CDKAL1: variants seen among roughly 807,000 people sequenced by gnomAD.
CDKAL1 encodes the protein CDKAL1 threonylcarbamoyladenosine tRNA methylthiotransferase, also known as threonylcarbamoyladenosine tRNA methylthiotransferase.
Under a neutral mutation model 68.2 loss-of-function variants are expected in CDKAL1, and 32 were observed. That is an observed-to-expected ratio of 0.47 (90% CI 0.35 to 0.63). The LOEUF (loss-of-function observed/expected upper bound fraction) is 0.63. Ranked by LOEUF, CDKAL1 falls within the 30% of genes least tolerant of loss-of-function variation. The pLI is 0.00. For missense variants in CDKAL1, 606 were observed against 696.7 expected (o/e 0.87, Z 1.47); for synonymous variants, 234 against 244.3 (o/e 0.96, Z 0.39).
intron 5 of CDKAL1, among the ~76,000 whole-genome samples, chr6:20,661,584 T>A (rs1319167106): frequency 1.2e-5 from 1 of 84,828 alleles, no homozygotes; most frequent in Admixed American, 1.4e-4. Context: ...AGTGTTTAAT[T>A]CCTGGTTTAC....
chr6:21,062,919 T>A (rs1447119699), intron 11 of CDKAL1, among the ~76,000 whole-genome samples: 1 of 152,208 alleles, frequency 6.6e-6, no homozygotes, highest in East Asian at 1.9e-4. Flanking sequence ...TGTTTGTTTG[T>A]TTGTTTGTTT....
chr6:21,205,571 C>T (rs1186475319), intron 15 of CDKAL1, among the ~76,000 whole-genome samples: 1 of 152,030 alleles, frequency 6.6e-6, no homozygotes, highest in African/African-American at 2.4e-5. Flanking sequence ...CGCCCTGTCG[C>T]CCAGGCTGGA....
At position 20,686,217 on chromosome 6, in the gene CDKAL1, G is replaced by A. The variant is rs36005020; in HGVS notation, c.371+36840G>A. Among the ~76,000 whole-genome samples, 19 of 151,910 alleles carry A rather than the reference G, an allele frequency of 1.3e-4. No individual in the cohort carries two copies. In the East Asian group the frequency reaches 3.5e-3, roughly 28 times the overall value. ...TCTTTTTCTTGTCTTGTATTAACTAGGACAGGGTCCCCAACCCCTGGGCCA... is the reference window on the plus strand; with the variant it reads ...TCTTTTTCTTGTCTTGTATTAACTAAGACAGGGTCCCCAACCCCTGGGCCA... On this transcript the variant is annotated intron_variant, in intron 5 of 15. Transcript: ENST00000274695.
At chr6:20,559,595 T>G (rs1208894565) in intron 4 of CDKAL1, 4 of 152,192 alleles carry the variant, frequency 2.6e-5, no homozygotes, top group Non-Finnish European at 5.9e-5. Flanking sequence ...TTGCACTTCT[T>G]GTAGCATGTG....
At chr6:20,964,739 GAC>G (rs1765220209) in intron 10 of CDKAL1, among the ~76,000 whole-genome samples, 1 of 152,114 alleles carries the variant, frequency 6.6e-6, no homozygotes, top group Admixed American at 6.5e-5. Flanking sequence ...AAACCCCCAT[GAC>G]ACAAGTTTAC....
intron 11 of CDKAL1, among the ~76,000 whole-genome samples, chr6:21,012,761 G>A (rs960060878): frequency 1.3e-5 from 2 of 152,214 alleles, no homozygotes; most frequent in East Asian, 1.9e-4. Context: ...CCTGTCTTCT[G>A]TGCCCATATT....
intron 8 of CDKAL1, among the ~76,000 whole-genome samples, chr6:20,812,651 C>G (rs2150425148): frequency 6.6e-6 from 1 of 152,224 alleles, no homozygotes; most frequent in South Asian, 2.1e-4. Context: ...CCCTATTTTT[C>G]TGGTTTCTTT....
intron 9 of CDKAL1, among the ~76,000 whole-genome samples, chr6:20,931,672 G>A (rs1763468440): frequency 6.6e-6 from 1 of 152,178 alleles, no homozygotes; most frequent in East Asian, 1.9e-4. Context: ...CCTAAAAGGT[G>A]AAACATTTGA....
intron 5 of CDKAL1, among the ~76,000 whole-genome samples, chr6:20,689,556 G>C (rs1051149689): frequency 2.6e-5 from 4 of 152,126 alleles, no homozygotes; most frequent in African/African-American, 9.7e-5. Flanking sequence ...CAACTTCCAA[G>C]CTTCTCAGAT....
intron 11 of CDKAL1, among the ~76,000 whole-genome samples, chr6:21,008,718 C>G (rs773673679): frequency 4.6e-5 from 7 of 152,122 alleles, no homozygotes; most frequent in African/African-American, 7.2e-5. Context: ...TCCTTGACAC[C>G]CCCACAACTC....
rs770134062 is a variant in CDKAL1, at chr6:20,781,210, G to T, written c.583G>T (p.Asp195Tyr). 9.9e-6 allele frequency: 16 copies of T among 1,613,734 alleles called. No individual in the cohort carries two copies. Among genetic ancestry groups the T allele is most frequent in the Non-Finnish European group, 2.5e-6 (3 of 1,179,858 alleles). The part of the protein sequence containing the change: ...NGRRLGGARL[D>Y]LPKIRKNPLI... The stretch of plus-strand genomic sequence containing the variant: ...AAGGCGGCTTGGGGGAGCACGATTG[G>T]ATTTGCCGAAGATTAGGAAGAATCC... The change falls in exon 8 of 16, where the codon GAT becomes TAT. Residue 195 changes from aspartate (D) to tyrosine (Y), a missense_variant. Coordinates refer to ENST00000274695, the MANE Select transcript of CDKAL1 (RefSeq NM_017774.3).
At chr6:20,755,245 G>A in intron 6 of CDKAL1, among the ~76,000 whole-genome samples, 1 of 152,034 alleles carries the variant, frequency 6.6e-6, no homozygotes, top group Non-Finnish European at 1.5e-5. Flanking sequence ...TGAGTGTCTG[G>A]ATATAATGTC....
chr6:20,710,878 A>G (rs971526725), intron 5 of CDKAL1, among the ~76,000 whole-genome samples: 1 of 152,210 alleles, frequency 6.6e-6, no homozygotes, highest in Non-Finnish European at 1.5e-5. Flanking sequence ...CTGAATCAGG[A>G]ATTGGAATCC....
chr6:21,180,452 A>G (rs951833384), intron 13 of CDKAL1, among the ~76,000 whole-genome samples: 2 of 151,276 alleles, frequency 1.3e-5, no homozygotes, highest in African/African-American at 2.4e-5. Context: ...TAAGTCAGCT[A>G]TTTACAGCTG....
intron 11 of CDKAL1, among the ~76,000 whole-genome samples, chr6:21,030,123 A>G (rs554807104): frequency 2.0e-5 from 3 of 152,364 alleles, no homozygotes; most frequent in East Asian, 1.9e-4. Flanking sequence ...TGTGGTACAT[A>G]TACACCATGG....
intron 5 of CDKAL1, among the ~76,000 whole-genome samples, chr6:20,702,238 T>G (rs1480186432): frequency 1.3e-5 from 2 of 152,140 alleles, no homozygotes; most frequent in East Asian, 3.9e-4. Context: ...GGGCAGGTCG[T>G]GGGGCTCTGA....
intron 6 of CDKAL1, among the ~76,000 whole-genome samples, chr6:20,752,628 T>G (rs1432523130): frequency 6.6e-6 from 1 of 152,142 alleles, no homozygotes; most frequent in African/African-American, 2.4e-5. Flanking sequence ...TTTAACACAT[T>G]TTCTCATTCT....
chr6:20,940,619 C>T (rs546146925), intron 9 of CDKAL1, among the ~76,000 whole-genome samples: 10 of 152,190 alleles, frequency 6.6e-5, no homozygotes, highest in Admixed American at 2.0e-4. Context: ...CAAAATGGCT[C>T]AATCATAGCT....
intron 11 of CDKAL1, among the ~76,000 whole-genome samples, chr6:21,039,063 C>T (rs758372992): frequency 1.1e-4 from 16 of 152,170 alleles, no homozygotes; most frequent in Non-Finnish European, 1.8e-4. Flanking sequence ...ACCCCCAGGA[C>T]ACGGACTGAT....
Sources: allele counts gnomAD v4.1 joint callset (sites outside exome capture counted in the v4.1 genomes callset), GRCh38; gene constraint gnomAD v4.1.1; transcripts MANE v1.5; gene names NCBI Gene and HGNC (gene_info 2026-07-23, HGNC 2026-07-21).